Variants in AHDC1 observed in about 807,000 individuals in gnomAD.
AHDC1 encodes the protein transcription factor Gibbin.
In AHDC1, 7 loss-of-function variants were observed where a neutral mutation model predicts 87.9. The ratio of observed to expected loss-of-function variants is 0.08; its 90% CI spans 0.05 to 0.15. The LOEUF is 0.15. Among genes scored for constraint, AHDC1 ranks in the 10% least tolerant of loss-of-function variants. AHDC1 has a pLI of 1.00. For synonymous variants in AHDC1, 1,051 were observed against 1,006.8 expected (o/e 1.04, Z -0.83); for missense variants, 1,841 against 2,253.2 (o/e 0.82, Z 3.70).
intron 3 of AHDC1, among the ~76,000 whole-genome samples, chr1:27,585,253 CAAAAAAAAAAAAA>C (rs35143338): frequency 1.5e-5 from 1 of 66,330 alleles, no homozygotes; most frequent in African/African-American, 5.5e-5. Context: ...GACCCTGTCT[CAAAAAAAAAAAAA>C]AAAAAAAAAG....
At position 27,551,113 on chromosome 1, in the gene AHDC1, C is replaced by T. The variant is rs1202158646; in HGVS notation, c.1003G>A (p.Asp335Asn). Residue 335 changes from aspartate (D) to asparagine (N), a missense_variant, in exon 8 of 9, where the codon GAC becomes AAC. By Grantham distance (23) the Asp-to-Asn change is conservative. Coordinates refer to ENST00000673934, the MANE Select transcript of AHDC1 (RefSeq NM_001371928.1). ...ACGTCAAGCAGCTTGGGCAGGGGGT[C>T]GAGTGCCTGGGGGTCAAGCAGCTGC... ...ESQLLDPQALDPLPKLLDVPG... is the reference protein window; with the variant it reads ...ESQLLDPQALNPLPKLLDVPG... 1.9e-6 allele frequency: 3 copies of T among 1,582,706 alleles called. No individual in the cohort carries two copies. Among genetic ancestry groups the T allele is most frequent in the South Asian group, 1.1e-5 (1 of 88,502 alleles).
In AHDC1 at chr1:27,551,706, T is replaced by C; in HGVS notation, c.410A>G (p.Asp137Gly). Residue 137 changes from aspartate (D) to glycine (G), a missense_variant, in exon 8 of 9, where the codon GAC (aspartate) becomes GGC (glycine). By Grantham distance (94) the Asp-to-Gly change is moderately conservative. Transcript: ENST00000673934. ...IMKDLTRLSQ[D>G]LQHSGVHLDC... ...CAGGTGTACACCACTGTGCTGCAGG[T>C]CCTGGGAGAGGCGTGTCAGGTCCTT... The C allele has an allele frequency of 1.2e-6, 2 of 1,613,666 alleles. No homozygotes were observed. The highest frequency in any genetic ancestry group is 1.7e-6 in the Non-Finnish European group (2 of 1,179,916).
In AHDC1 at chr1:27,598,819, C is replaced by A. The variant is rs1436397730; in HGVS notation, c.-629+4578G>T. On this transcript the variant is annotated intron_variant, in intron 3 of 8. Transcript: ENST00000673934. This position sits in a 1 kb window ranked among gnomAD's most constrained non-coding sequence, Gnocchi z 4.2. ...GTGCTCACCGCCTGCCCAAGCCCCC[C>A]AACACCAGCATCCACCGTCATGACA... Among the ~76,000 whole-genome samples the A allele has an allele frequency of 2.0e-5, 3 of 152,188 alleles. No homozygotes were observed. Among genetic ancestry groups the A allele is most frequent in the Non-Finnish European group, 4.4e-5 (3 of 68,030 alleles).
intron 3 of AHDC1, among the ~76,000 whole-genome samples, chr1:27,567,120 C>G (rs1557683679): frequency 6.6e-6 from 1 of 152,144 alleles, no homozygotes; most frequent in Admixed American, 6.5e-5. Flanking sequence ...GCATGCGCCT[C>G]AGGCTGGCCC....
intron 3 of AHDC1, among the ~76,000 whole-genome samples, chr1:27,587,990 C>G (rs1010600852): frequency 1.3e-5 from 2 of 152,188 alleles, no homozygotes; most frequent in African/African-American, 4.8e-5. Flanking sequence ...CTTCCTGCCT[C>G]CAGTCTCTCC....
In AHDC1 at chr1:27,541,739, C is replaced by T. The variant is rs540758129; in HGVS notation, c.*43+5522G>A. ...CCGCCTCCCGGGATCAAGCAGTTCT[C>T]CTGCCTCAGCTTCCCGAGTAGCTGG... On this transcript the variant is annotated intron_variant, in intron 8 of 8. Transcript: ENST00000673934. 2.6e-5 allele frequency among the ~76,000 whole-genome samples: 4 copies of T among 151,952 alleles called. No individual in the cohort carries two copies. The East Asian group carries it at 7.7e-4, about 29-fold the overall frequency.
At chr1:27,597,537 C>T (rs984993783) in intron 3 of AHDC1, among the ~76,000 whole-genome samples, 2 of 152,126 alleles carry the variant, frequency 1.3e-5, no homozygotes, top group Non-Finnish European at 2.9e-5. Context: ...CTGCAGGCCT[C>T]TCAGCAACCC....
Position 27,578,938 on chromosome 1 carries a change from C to G in AHDC1, c.-628-20055G>C, listed in dbSNP as rs181184901. On this transcript the variant is annotated intron_variant, in intron 3 of 8. Coordinates refer to ENST00000673934, the MANE Select transcript of AHDC1 (RefSeq NM_001371928.1). ...GTCTTGAACTCCTGACCTTGTGATTCACCTGCCTCGGCCTCCCAAAGTGCT... is the reference window on the plus strand; with the variant it reads ...GTCTTGAACTCCTGACCTTGTGATTGACCTGCCTCGGCCTCCCAAAGTGCT... Among the ~76,000 whole-genome samples the G allele has an allele frequency of 2.9e-3, 439 of 152,110 alleles. 17 individuals are homozygous for G. The highest frequency in any genetic ancestry group is 0.029 in the Admixed American group (437 of 15,274).
rs2019289427 is a variant in AHDC1 at position 27,548,159 on chromosome 1, C to A, written c.3957G>T (p.Gly1319=). The A allele has an allele frequency of 1.2e-6, 2 of 1,613,678 alleles. 1 individual carries two copies. Among genetic ancestry groups the A allele is most frequent in the South Asian group, 2.2e-5 (2 of 91,094 alleles). ...AGGGCAGTGGTGACATGCTGCTGTC[C>A]CCGCTATAGTAGTCCAGGCCGAGGT... ...SPDLGLDYYS[G]DSSMSPLPSQ... Residue 1319 remains glycine (G), a synonymous_variant, in exon 8 of 9, where the codon GGG becomes GGT. Transcript: ENST00000673934.
chr1:27,535,984 T>C (rs1265078627), intron 8 of AHDC1, among the ~76,000 whole-genome samples: 1 of 151,928 alleles, frequency 6.6e-6, no homozygotes, highest in East Asian at 1.9e-4. Flanking sequence ...TGTCCTCCTC[T>C]CAGAGCCCCG....
intron 3 of AHDC1, among the ~76,000 whole-genome samples, chr1:27,602,991 C>T (rs957488216): frequency 7.1e-6 from 1 of 140,484 alleles, no homozygotes; most frequent in Non-Finnish European, 1.6e-5. Flanking sequence ...TTCATTCCCC[C>T]CCCCCCCACA....
chr1:27,601,318 C>T (rs557732317), intron 3 of AHDC1, among the ~76,000 whole-genome samples: 22 of 152,358 alleles, frequency 1.4e-4, no homozygotes, highest in Admixed American at 1.1e-3. Flanking sequence ...CACAGTTAGG[C>T]ACTGACCAGA....
rs2089182809 is a variant in AHDC1, at chr1:27,590,122, G to A, written c.-629+13275C>T. Among the ~76,000 whole-genome samples, 1 of 151,166 alleles carries A rather than the reference G, an allele frequency of 6.6e-6. No individual in the cohort carries two copies. The highest frequency in any genetic ancestry group is 6.5e-5 in the Admixed American group (1 of 15,280). On this transcript the variant is annotated intron_variant, in intron 3 of 8. Transcript: ENST00000673934. The surrounding 1 kb of genome is among the most constrained non-coding windows in gnomAD (Gnocchi z 5.4). ...GACTCTTCGGGCCCCTCCTTCTCCT[G>A]GAGGGGAGGGATGAGCTGCAGGCCC...
intron 3 of AHDC1, among the ~76,000 whole-genome samples, chr1:27,587,008 C>T (rs780406432): frequency 2.2e-4 from 34 of 152,196 alleles, no homozygotes; most frequent in African/African-American, 8.2e-4. Flanking sequence ...TCTCTGAGGA[C>T]CCCTCACTTT....
chr1:27,553,037 C>T (rs1264765675), intron 6 of AHDC1, 37 bp downstream of exon 6: 4 of 152,650 alleles, frequency 2.6e-5, no homozygotes, highest in Non-Finnish European at 4.4e-5. Flanking sequence ...ACCCCCGGCT[C>T]CCTCAGCGCT....
rs1373244895 is a variant in AHDC1 at position 27,598,698 on chromosome 1, G to A, written c.-629+4699C>T. Among the ~76,000 whole-genome samples, 1 of 152,152 alleles carries A rather than the reference G, an allele frequency of 6.6e-6. No individual in the cohort carries two copies. The highest frequency in any genetic ancestry group is 1.9e-4 in the East Asian group (1 of 5,198). On this transcript the variant is annotated intron_variant, in intron 3 of 8. Coordinates refer to ENST00000673934, the MANE Select transcript of AHDC1 (RefSeq NM_001371928.1). This position sits in a 1 kb window ranked among gnomAD's most constrained non-coding sequence, Gnocchi z 4.2. The stretch of plus-strand genomic sequence containing the variant: ...CACCAGTGTCACCCCCACAACAGTG[G>A]AGGCTGGTTTTGGCCATGTAGTGAC...
intron 3 of AHDC1, among the ~76,000 whole-genome samples, chr1:27,599,401 C>G (rs1409752477): frequency 6.6e-6 from 1 of 152,176 alleles, no homozygotes; most frequent in Non-Finnish European, 1.5e-5. Context: ...CGGCGCCTCC[C>G]CCTCCCCTGG....
chr1:27,586,410 G>A (rs997623183), intron 3 of AHDC1, among the ~76,000 whole-genome samples: 5 of 152,128 alleles, frequency 3.3e-5, no homozygotes, highest in East Asian at 3.9e-4. Flanking sequence ...CAGCTAACCC[G>A]GCAATCACCT....
chr1:27,554,744 C>T (rs933318790), intron 5 of AHDC1, among the ~76,000 whole-genome samples: 1 of 152,188 alleles, frequency 6.6e-6, no homozygotes, highest in African/African-American at 2.4e-5. Context: ...TGTAGATTCT[C>T]CCCACCTACC....
Sources: gnomAD v4.1 joint callset for allele counts (sites outside exome capture counted in the v4.1 genomes callset) on GRCh38, gnomAD v4.1.1 for gene constraint, Gnocchi (gnomAD v3.1) non-coding constraint, MANE v1.5 for transcripts, NCBI Gene and HGNC (gene_info 2026-07-23, HGNC 2026-07-21) for gene names.